Variants in ALG5 observed in about 807,000 individuals in gnomAD.
ALG5 encodes ALG5 dolichyl-phosphate beta-glucosyltransferase, also known as dolichyl-phosphate beta-glucosyltransferase.
Under a neutral mutation model 51.8 loss-of-function variants are expected in ALG5, and 26 were observed. That is an observed-to-expected ratio of 0.50 (90% CI 0.37 to 0.70). The LOEUF is 0.70. Among genes scored for constraint, ALG5 ranks in the 30% least tolerant of loss-of-function variants. ALG5 has a pLI of 0.00. For synonymous variants in ALG5, 141 were observed against 136.1 expected, an observed-to-expected ratio of 1.04 and a Z score of -0.25; for missense variants, 311 against 399.3, an observed-to-expected ratio of 0.78 and a Z score of 1.88.
Position 36,991,518 on chromosome 13 carries a change from A to G in ALG5, c.355-1942T>C, listed in dbSNP as rs375492785. The stretch of plus-strand genomic sequence containing the variant: ...TTAACTAGCTGCCAAACCAGCAAAC[A>G]GTGCCTCCTTCTTTGCTGTTATGGC... On this transcript the variant is annotated intron_variant, in intron 4 of 9. Coordinates refer to ENST00000239891, the MANE Select transcript of ALG5 (RefSeq NM_013338.5). Among the ~76,000 whole-genome samples the G allele has an allele frequency of 7.2e-5, 11 of 152,320 alleles. No homozygotes were observed. The East Asian group carries it at 9.6e-4, about 13-fold the overall frequency.
chr13:36,997,447 C>G (rs1170845556), intron 1 of ALG5, among the ~76,000 whole-genome samples: 2 of 106,414 alleles, frequency 1.9e-5, no homozygotes, highest in South Asian at 3.2e-4. Flanking sequence ...GCCTGGGTGA[C>G]AAGAGCCAGA....
In ALG5 at chr13:36,977,256, G is replaced by A. The variant is rs75143496; in HGVS notation, c.562-5220C>T. The stretch of plus-strand genomic sequence containing the variant: ...TTAAAAACTGCCCATGTTAGAAAAT[G>A]TCTGTAGACATGGAGTCTCTTTCTT... On this transcript the variant is annotated intron_variant, in intron 6 of 9. Transcript: ENST00000239891. Among the ~76,000 whole-genome samples, 14 of 152,328 alleles carry A rather than the reference G, an allele frequency of 9.2e-5. No individual in the cohort carries two copies. In the East Asian group the frequency reaches 2.1e-3, roughly 23 times the overall value.
At chr13:36,955,964 A>C (rs545296016) in intron 8 of ALG5, among the ~76,000 whole-genome samples, 1 of 152,186 alleles carries the variant, frequency 6.6e-6, no homozygotes, top group South Asian at 2.1e-4. Flanking sequence ...ATTAGATTGG[A>C]TCCCAAAAGC....
At chr13:36,995,401 C>CA (rs751154443) in intron 2 of ALG5, 24 bp downstream of exon 2, 3 of 1,582,108 alleles carry the variant, frequency 1.9e-6, no homozygotes, top group African/African-American at 1.4e-5. Context: ...TACCCTTTAC[C>CA]AAAAAAATCA....
At chr13:36,988,120 T>C (rs1236510345) in intron 5 of ALG5, among the ~76,000 whole-genome samples, 1 of 152,166 alleles carries the variant, frequency 6.6e-6, no homozygotes, top group African/African-American at 2.4e-5. Flanking sequence ...CCGCCGAGAA[T>C]TTGCCTCCTC....
chr13:36,976,905 C>A (rs1309964007), intron 6 of ALG5, among the ~76,000 whole-genome samples: 1 of 152,164 alleles, frequency 6.6e-6, no homozygotes, highest in African/African-American at 2.4e-5. Flanking sequence ...TATGGCAAAT[C>A]AGTTTTAACT....
At chr13:36,990,017 G>A (rs1446859985) in intron 4 of ALG5, among the ~76,000 whole-genome samples, 1 of 152,176 alleles carries the variant, frequency 6.6e-6, no homozygotes. Flanking sequence ...GAGGCTGTTT[G>A]TATCCTGACC....
chr13:36,968,706 T>C (rs940601018), intron 7 of ALG5, among the ~76,000 whole-genome samples: 1 of 152,236 alleles, frequency 6.6e-6, no homozygotes, highest in African/African-American at 2.4e-5. Flanking sequence ...TTTGCTATCT[T>C]GATTAGTTCT....
intron 2 of ALG5, 136 bp from the exon 3 acceptor site, chr13:36,995,171 G>T: frequency 1.2e-6 from 1 of 827,658 alleles, no homozygotes; most frequent in Non-Finnish European, 1.9e-6. Flanking sequence ...ATTCCCATCT[G>T]AAATCCTGCC....
At chr13:36,983,706 G>A (rs1337841336) in intron 6 of ALG5, among the ~76,000 whole-genome samples, 1 of 151,938 alleles carries the variant, frequency 6.6e-6, no homozygotes, top group Non-Finnish European at 1.5e-5. Flanking sequence ...GCAATGGTAT[G>A]AATATCTTTA....
intron 6 of ALG5, among the ~76,000 whole-genome samples, chr13:36,976,072 TC>T (rs1224466119): frequency 1.3e-5 from 2 of 152,088 alleles, no homozygotes; most frequent in Non-Finnish European, 2.9e-5. Flanking sequence ...GGTTATTCTA[TC>T]TTTATTATTA....
chr13:36,964,548 G>T (rs2058883552), intron 8 of ALG5, among the ~76,000 whole-genome samples: 2 of 152,166 alleles, frequency 1.3e-5, no homozygotes, highest in Admixed American at 1.3e-4. Flanking sequence ...TTTCAAAAGA[G>T]AGCTCAGGAG....
chr13:36,985,703 G>C lies in ALG5; in HGVS notation c.485C>G (p.Ala162Gly). The change falls in exon 6 of 10, where the codon GCA (alanine) becomes GGA (glycine). Residue 162 changes from alanine to glycine, a missense_variant. Physicochemically the swap from Ala to Gly is moderately conservative, Grantham distance 60 (BLOSUM62 0). Coordinates refer to ENST00000239891, the MANE Select transcript of ALG5 (RefSeq NM_013338.5). ...FSSRGEKILMADADGATKFPD... is the reference protein window; with the variant it reads ...FSSRGEKILMGDADGATKFPD... ...AAACTTTGTGGCTCCATCAGCATCT[G>C]CCATAAGGATCTTTTCTCCTCGAGA... The C allele has an allele frequency of 6.2e-7, 1 of 1,613,522 alleles. No homozygotes were observed.
chr13:36,995,776 A>C (rs185266612), intron 1 of ALG5, among the ~76,000 whole-genome samples, 180 bp from the exon 2 acceptor site: 1 of 152,318 alleles, frequency 6.6e-6, no homozygotes, highest in Admixed American at 6.5e-5. Context: ...TCCCCTACTT[A>C]TGAACGAATT....
chr13:36,990,855 T>A (rs975538491), intron 4 of ALG5, among the ~76,000 whole-genome samples: 1 of 152,196 alleles, frequency 6.6e-6, no homozygotes, highest in Non-Finnish European at 1.5e-5. Context: ...CCCTCTCAAA[T>A]CCATGCTATC....
At chr13:36,987,281 T>A (rs1298924072) in intron 5 of ALG5, among the ~76,000 whole-genome samples, 1 of 152,192 alleles carries the variant, frequency 6.6e-6, no homozygotes, top group Non-Finnish European at 1.5e-5. Flanking sequence ...ATTAATGGCA[T>A]CGTCATCCTC....
intron 4 of ALG5, among the ~76,000 whole-genome samples, chr13:36,992,128 G>A (rs1202163531): frequency 2.0e-5 from 3 of 152,162 alleles, no homozygotes; most frequent in Non-Finnish European, 2.9e-5. Flanking sequence ...ATAATTAAAC[G>A]TCTTTATTAT....
At chr13:36,978,814 G>T (rs184982153) in intron 6 of ALG5, among the ~76,000 whole-genome samples, 96 of 151,470 alleles carry the variant, frequency 6.3e-4, no homozygotes, top group African/African-American at 2.0e-3. Flanking sequence ...TGTTTGGGAG[G>T]CTGAGGCAGG....
At chr13:36,998,567 G>A (rs1332719660) in intron 1 of ALG5, among the ~76,000 whole-genome samples, 1 of 152,110 alleles carries the variant, frequency 6.6e-6, no homozygotes, top group East Asian at 1.9e-4. Flanking sequence ...TTTGTGTTTC[G>A]AGAGCAAGGG....
Sources: gnomAD v4.1 joint callset for allele counts (sites outside exome capture counted in the v4.1 genomes callset) on GRCh38, gnomAD v4.1.1 for gene constraint, MANE v1.5 for transcripts, NCBI Gene and HGNC (gene_info 2026-07-23, HGNC 2026-07-21) for gene names.